Variants in SIPA1L1 observed in about 807,000 individuals in gnomAD.
SIPA1L1 encodes signal-induced proliferation-associated 1-like protein 1.
SIPA1L1 carries 26 observed loss-of-function variants against 162.7 expected under a neutral mutation model. The ratio of observed to expected loss-of-function variants is 0.16; its 90% CI spans 0.12 to 0.22. The LOEUF (loss-of-function observed/expected upper bound fraction) is 0.22. Among genes scored for constraint, SIPA1L1 ranks in the 10% least tolerant of loss-of-function variants. The pLI is 1.00. For synonymous variants in SIPA1L1, 829 were observed against 837.4 expected, an observed-to-expected ratio of 0.99 and a Z score of 0.17; for missense variants, 1,874 against 2,241.0, an observed-to-expected ratio of 0.84 and a Z score of 3.31.
intron 3 of SIPA1L1, among the ~76,000 whole-genome samples, chr14:71,523,785 G>A (rs1032103979): frequency 3.9e-5 from 6 of 152,150 alleles, no homozygotes; most frequent in African/African-American, 1.4e-4. Context: ...TGGACTTGTG[G>A]ATGTTTGTTT....
chr14:71,333,109 C>A (rs1286691633), intron 2 of SIPA1L1, among the ~76,000 whole-genome samples: 1 of 152,194 alleles, frequency 6.6e-6, no homozygotes, highest in African/African-American at 2.4e-5. Context: ...AGTTCTGAAT[C>A]TAACCTTTCT....
At chr14:71,738,677 T>C (rs1305113951) in intron 23 of SIPA1L1, among the ~76,000 whole-genome samples, 1 of 152,176 alleles carries the variant, frequency 6.6e-6, no homozygotes, top group Admixed American at 6.5e-5. Context: ...AATGTTTTGT[T>C]TTTTGGGTGG....
At chr14:71,409,605 A>T (rs1204404865) in intron 2 of SIPA1L1, among the ~76,000 whole-genome samples, 1 of 152,196 alleles carries the variant, frequency 6.6e-6, no homozygotes, top group Non-Finnish European at 1.5e-5. Flanking sequence ...CTAATCAGAG[A>T]AAGTCAAATC....
intron 7 of SIPA1L1, among the ~76,000 whole-genome samples, chr14:71,649,189 A>G (rs891348007): frequency 5.3e-5 from 7 of 131,152 alleles, no homozygotes; most frequent in African/African-American, 2.0e-4. Context: ...TCAAAGTCCA[A>G]TTTTTTTTTT....
chr14:71,327,959 G>A (rs998358510), intron 2 of SIPA1L1, among the ~76,000 whole-genome samples: 1 of 152,180 alleles, frequency 6.6e-6, no homozygotes, highest in Admixed American at 6.5e-5. Context: ...GTGCTCTTGT[G>A]AAACATGTTA....
chr14:71,393,108 T>C (rs747854438), intron 2 of SIPA1L1, among the ~76,000 whole-genome samples: 18 of 152,264 alleles, frequency 1.2e-4, no homozygotes, highest in Non-Finnish European at 1.9e-4. Flanking sequence ...GTACTTTTCT[T>C]GACTCCCTTA....
intron 2 of SIPA1L1, chr14:71,415,985 A>G (rs967838737): frequency 8.5e-5 from 13 of 152,384 alleles, no homozygotes; most frequent in African/African-American, 3.1e-4. Flanking sequence ...GGCGTGAGCC[A>G]CCATGCCCGG....
chr14:71,672,329 C>G lies in SIPA1L1; in HGVS notation c.2830-19C>G. On this transcript the variant is annotated intron_variant, in intron 11 of 23. Transcript: ENST00000381232. Reference sequence around the variant, plus strand: ...ACCCTATTGCTTTAAACCACAGTATCTTTTATTTCCTTGTCTAGTTTGTTT... The same window carrying G: ...ACCCTATTGCTTTAAACCACAGTATGTTTTATTTCCTTGTCTAGTTTGTTT... 6.2e-7 allele frequency: 1 copy of G among 1,612,866 alleles called. No homozygotes were observed. The highest frequency in any genetic ancestry group is 8.5e-7 in the Non-Finnish European group (1 of 1,179,002).
At chr14:71,704,755 T>C in intron 15 of SIPA1L1, 1 of 1,613,114 alleles carries the variant, frequency 6.2e-7, no homozygotes, top group Non-Finnish European at 8.5e-7. Flanking sequence ...ATTTCAATTC[T>C]TTTGTCCTCG....
chr14:71,480,500 G>A (rs986446720), intron 2 of SIPA1L1, among the ~76,000 whole-genome samples: 32 of 150,018 alleles, frequency 2.1e-4, no homozygotes, highest in Non-Finnish European at 3.0e-5. Flanking sequence ...AGTGGCTCAC[G>A]CCTGTAATCC....
chr14:71,460,965 AATTCC>A (rs1179842061), intron 2 of SIPA1L1, among the ~76,000 whole-genome samples: 1 of 152,238 alleles, frequency 6.6e-6, no homozygotes, highest in Admixed American at 6.5e-5. Context: ...AAGACCAGTG[AATTCC>A]ATGAGCATGA....
At chr14:71,353,120 C>T (rs1435157920) in intron 2 of SIPA1L1, among the ~76,000 whole-genome samples, 3 of 152,118 alleles carry the variant, frequency 2.0e-5, no homozygotes, top group East Asian at 1.9e-4. Flanking sequence ...GACTAAATAC[C>T]ACATTCATTA....
intron 7 of SIPA1L1, among the ~76,000 whole-genome samples, chr14:71,641,066 A>C (rs544876008): frequency 6.6e-6 from 1 of 152,346 alleles, no homozygotes; most frequent in Admixed American, 6.5e-5. Context: ...GAACGGAGAC[A>C]AGAAAACATA....
intron 12 of SIPA1L1, among the ~76,000 whole-genome samples, chr14:71,674,807 G>A (rs1212048673): frequency 3.3e-5 from 5 of 151,280 alleles, no homozygotes; most frequent in African/African-American, 9.7e-5. Context: ...CTCGTGATCC[G>A]CCCGCCTCGG....
chr14:71,605,166 A>G (rs1185663768), intron 5 of SIPA1L1, among the ~76,000 whole-genome samples: 1 of 151,730 alleles, frequency 6.6e-6, no homozygotes, highest in Non-Finnish European at 1.5e-5. Context: ...AATCTAGTCT[A>G]TTGTTGTTGC....
intron 2 of SIPA1L1, among the ~76,000 whole-genome samples, chr14:71,384,884 T>G (rs1177624266): frequency 6.6e-6 from 1 of 152,208 alleles, no homozygotes; most frequent in African/African-American, 2.4e-5. Flanking sequence ...AATGGACTTG[T>G]GTTGTTTAAT....
At chr14:71,648,658 C>G (rs951928297) in intron 7 of SIPA1L1, among the ~76,000 whole-genome samples, 1 of 152,186 alleles carries the variant, frequency 6.6e-6, no homozygotes, top group East Asian at 1.9e-4. Flanking sequence ...GCAGGGGAAA[C>G]ATGAATATTC....
chr14:71,670,485 G>T (rs951176441), intron 10 of SIPA1L1, among the ~76,000 whole-genome samples: 2 of 152,146 alleles, frequency 1.3e-5, no homozygotes, highest in African/African-American at 4.8e-5. Context: ...AAGCGTTGTT[G>T]CTATTACATA....
chr14:71,321,600 A>G (rs1466399747), intron 2 of SIPA1L1: 1 of 152,272 alleles, frequency 6.6e-6, no homozygotes, highest in African/African-American at 2.4e-5. Flanking sequence ...ATGGAGACGA[A>G]CAGCTCGGTG....
Sources: allele counts gnomAD v4.1 joint callset (sites outside exome capture counted in the v4.1 genomes callset), GRCh38; gene constraint gnomAD v4.1.1; transcripts MANE v1.5; gene names NCBI Gene and HGNC (gene_info 2026-07-23, HGNC 2026-07-21).